CDKL3: variants seen among roughly 807,000 people sequenced by gnomAD.
CDKL3 encodes cyclin-dependent kinase-like 3.
A neutral mutation model predicts 69.3 loss-of-function variants in CDKL3; 65 were observed. That is an observed-to-expected ratio of 0.94 (90% CI 0.77 to 1.15). CDKL3 has a LOEUF of 1.15. CDKL3 is among the 50% of genes most tolerant of loss of function. The probability of loss-of-function intolerance (pLI) is 0.00; values close to 1 mark genes in which losing one functional copy is unlikely to be tolerated. For synonymous variants in CDKL3, 202 were observed against 221.6 expected (o/e 0.91, Z 0.79); for missense variants, 652 against 689.2 (o/e 0.95, Z 0.61).
chr5:134,306,213 G>A (rs1032194313), intron 10 of CDKL3, among the ~76,000 whole-genome samples: 5 of 152,172 alleles, frequency 3.3e-5, no homozygotes, highest in African/African-American at 1.2e-4. Context: ...AAGTGTTAGA[G>A]GCTGGGTGCG....
chr5:134,321,905 T>TTTTAATACTAATTCGG lies in CDKL3; in HGVS notation c.540-3_540-2insCCGAATTAGTATTAAA. 1 of 1,527,292 alleles carries TTTTAATACTAATTCGG rather than the reference T, an allele frequency of 6.5e-7. No individual in the cohort carries two copies. The highest frequency in any genetic ancestry group is 1.8e-5 in the Admixed American group (1 of 54,736). The allele number at this position is 1,527,292 out of a possible 1,614,324, so 94.6% of individuals were successfully genotyped here. A position where few individuals can be genotyped will look rare whatever the true frequency, so the allele number is the denominator to read the frequency against. Reference sequence around the variant, plus strand: ...CCCAAAGCCCAGATATCCACAGGTCTGAAACAGATCAGGGAAAAAAAAATC... The same window carrying TTTTAATACTAATTCGG: ...CCCAAAGCCCAGATATCCACAGGTCTTTTAATACTAATTCGGGAAACAGATCAGGGAAAAAAAAATC... On this transcript the variant is annotated splice_polypyrimidine_tract_variant and splice_region_variant and intron_variant, in intron 4 of 12. Transcript: ENST00000265334.
upstream of CDKL3, among the ~76,000 whole-genome samples, chr5:134,370,001 C>T (rs1208349979): frequency 6.6e-6 from 1 of 152,132 alleles, no homozygotes; most frequent in Non-Finnish European, 1.5e-5. Context: ...AAACACATTG[C>T]GAATGTCTAA....
intron 6 of CDKL3, among the ~76,000 whole-genome samples, chr5:134,318,858 G>A (rs1263297990): frequency 6.6e-6 from 1 of 151,824 alleles, no homozygotes; most frequent in Non-Finnish European, 1.5e-5. Context: ...TTATCTTAGG[G>A]GGCATTCAGC....
In CDKL3 at chr5:134,366,501, C is replaced by T. The variant is rs767827100; in HGVS notation, c.23G>A (p.Gly8Glu). The change falls in exon 2 of 13, where the codon GGA becomes GAA. Residue 8 changes from glycine to glutamate, a missense_variant. By Grantham distance (98) the Gly-to-Glu change is moderately conservative (BLOSUM62 -2). Coordinates refer to ENST00000265334, the MANE Select transcript of CDKL3 (RefSeq NM_001113575.2). ...TCCGTAACTTCCCTCTCCCACTTTT[C>T]CAAGGGTTTCATACATCTCCATTTT... MEMYETL[G>E]KVGEGSYGTV... is the part of the protein sequence containing the mutation. 50 of 1,606,992 alleles carry T rather than the reference C, an allele frequency of 3.1e-5. 1 individual carries two copies. In the Middle Eastern group the frequency reaches 1.2e-3, roughly 37 times the overall value.
At chr5:134,296,673 C>T (rs775675309), downstream of CDKL3, among the ~76,000 whole-genome samples, 2 of 151,936 alleles carry the variant, frequency 1.3e-5, no homozygotes, top group Non-Finnish European at 2.9e-5. Context: ...TGCGTCAAGG[C>T]GTGCTGGCTC....
intron 7 of CDKL3, among the ~76,000 whole-genome samples, chr5:134,311,553 A>T (rs1378416754): frequency 6.6e-6 from 1 of 152,164 alleles, no homozygotes; most frequent in African/African-American, 2.4e-5. Flanking sequence ...AGTAGAAAAA[A>T]AATCATTTGG....
At chr5:134,320,196 T>C (rs535739480) in intron 5 of CDKL3, among the ~76,000 whole-genome samples, 2 of 152,356 alleles carry the variant, frequency 1.3e-5, no homozygotes, top group Non-Finnish European at 2.9e-5. Context: ...AAATCAGTAA[T>C]TATCCAGATT....
chr5:134,304,895 C>G (rs764919091), intron 10 of CDKL3, among the ~76,000 whole-genome samples: 6 of 150,520 alleles, frequency 4.0e-5, no homozygotes, highest in Non-Finnish European at 7.4e-5. Context: ...GCAGCGTCAA[C>G]CCCCTGGGCT....
rs1451988675 is a variant in CDKL3 at position 134,302,653 on chromosome 5, CTT to C, written c.1654_1655del (p.Lys552GlufsTer6). Reference sequence around the variant, plus strand: ...TTGGTATCTTAGATGACTCTGTTTTCTTTGACTCCCTCTTCAGCATTTTTATC... The same window carrying C: ...TTGGTATCTTAGATGACTCTGTTTTCTGACTCCCTCTTCAGCATTTTTATC... The part of the protein sequence containing the change: ...KQIKMLKRES[K>X]KTESSKIPTL... On this transcript the variant is annotated frameshift_variant, in exon 12 of 13. Transcript: ENST00000265334. LOFTEE classifies it high-confidence loss of function. 6 of 1,600,680 alleles carry C rather than the reference CTT, an allele frequency of 3.7e-6. No homozygotes were observed. Among genetic ancestry groups the C allele is most frequent in the Non-Finnish European group, 4.3e-6 (5 of 1,172,916 alleles).
chr5:134,350,831 G>GAAAAAAAAAAAAAAAAAAAAA (rs112330114), intron 3 of CDKL3, among the ~76,000 whole-genome samples: 4 of 82,398 alleles, frequency 4.9e-5, no homozygotes, highest in Admixed American at 1.2e-4. Context: ...AGAAAAAAAA[G>GAAAAAAAAAAAAAAAAAAAAA]AAAAAAAAAA....
In CDKL3 at chr5:134,320,719, C is replaced by CA. The variant is rs550540329; in HGVS notation, c.652+1071dup. Reference sequence around the variant, plus strand: ...TGAAACCCCGTCTCTGCTAAAAATACAAAAAAAAGCCAGGTGTGGTGGCAG... The same window carrying CA: ...TGAAACCCCGTCTCTGCTAAAAATACAAAAAAAAAGCCAGGTGTGGTGGCAG... On this transcript the variant is annotated intron_variant, in intron 5 of 12. Coordinates refer to ENST00000265334, the MANE Select transcript of CDKL3 (RefSeq NM_001113575.2). 4.9e-3 allele frequency among the ~76,000 whole-genome samples: 738 copies of CA among 150,840 alleles called. 2 individuals are homozygous for CA. Among genetic ancestry groups the CA allele is most frequent in the African/African-American group, 0.017 (706 of 41,190 alleles).
At chr5:134,284,156 T>C (rs1004135850), downstream of CDKL3, among the ~76,000 whole-genome samples, 43 of 152,116 alleles carry the variant, frequency 2.8e-4, no homozygotes, top group African/African-American at 4.6e-4. Context: ...AGTCAGTGAA[T>C]AGTGGGGGAA....
rs747883092 is a variant in CDKL3 at position 134,321,903 on chromosome 5, T to C, written c.540A>G (p.Lys180=). ...AGCCCAAAGCCCAGATATCCACAGG[T>C]CTGAAACAGATCAGGGAAAAAAAAA... ...ELVLKDTSYG[K]PVDIWALGCM... The change falls in exon 5 of 13, where the codon AAA becomes AAG. Residue 180 remains lysine, a splice_region_variant and synonymous_variant. Coordinates refer to ENST00000265334, the MANE Select transcript of CDKL3 (RefSeq NM_001113575.2). 6.5e-7 allele frequency: 1 copy of C among 1,539,898 alleles called. No individual in the cohort carries two copies. Among genetic ancestry groups the C allele is most frequent in the Non-Finnish European group, 8.9e-7 (1 of 1,123,914 alleles).
intron 4 of CDKL3, among the ~76,000 whole-genome samples, chr5:134,345,982 C>G (rs1751764610): frequency 6.6e-6 from 1 of 152,152 alleles, no homozygotes. Flanking sequence ...TTAGAAGGGT[C>G]TCAGAAACAA....
intron 9 of CDKL3, 47 bp from the exon 10 acceptor site, chr5:134,306,749 G>A: frequency 3.4e-6 from 1 of 291,424 alleles, no homozygotes; most frequent in Non-Finnish European, 5.5e-6. Context: ...CCCCAGAAAT[G>A]CTTTTTTTTT....
chr5:134,327,398 C>T (rs902466039), intron 4 of CDKL3, among the ~76,000 whole-genome samples: 3 of 152,152 alleles, frequency 2.0e-5, no homozygotes, highest in Non-Finnish European at 2.9e-5. Flanking sequence ...GAATTCAACC[C>T]AGATCCAGAA....
chr5:134,341,807 T>C lies in CDKL3; in HGVS notation c.539+8442A>G, dbSNP rs1048740923. 3.3e-5 allele frequency among the ~76,000 whole-genome samples: 5 copies of C among 152,242 alleles called. 1 individual carries two copies. In the East Asian group the frequency reaches 9.6e-4, roughly 29 times the overall value. ...CAGCCAGGCAAAGATCCAATTTGCA[T>C]AATAAGATTAGAGTGGGGCAACCAG... On this transcript the variant is annotated intron_variant, in intron 4 of 12. Transcript: ENST00000265334.
intron 10 of CDKL3, 69 bp downstream of exon 10, chr5:134,306,540 G>A (rs1314738945): frequency 4.3e-6 from 4 of 925,906 alleles, no homozygotes; most frequent in Admixed American, 2.3e-5. Context: ...GAGCCCTAAA[G>A]ATAGAGAAAA....
chr5:134,359,134 C>T (rs1232318093), intron 3 of CDKL3, among the ~76,000 whole-genome samples: 6 of 151,904 alleles, frequency 3.9e-5, no homozygotes, highest in African/African-American at 1.5e-4. Flanking sequence ...AAATATTGGC[C>T]AGGTGTGGTG....
Sources: allele counts gnomAD v4.1 joint callset (sites outside exome capture counted in the v4.1 genomes callset), GRCh38; gene constraint gnomAD v4.1.1; transcripts MANE v1.5; gene names NCBI Gene and HGNC (gene_info 2026-07-23, HGNC 2026-07-21).